GLCE: variants seen among roughly 807,000 people sequenced by gnomAD.
GLCE encodes the protein glucuronic acid epimerase.
Under a neutral mutation model 47.9 loss-of-function variants are expected in GLCE, and 19 were observed. That is an observed-to-expected ratio of 0.40 (90% CI 0.28 to 0.58). The LOEUF (loss-of-function observed/expected upper bound fraction) is 0.58, where lower values mean the gene tolerates loss of function less well. GLCE is among the 20% of genes least tolerant of loss of function. The probability of loss-of-function intolerance (pLI) is 0.48; values close to 1 mark genes in which losing one functional copy is unlikely to be tolerated. For synonymous variants in GLCE, 245 were observed against 263.4 expected (o/e 0.93, Z 0.68); for missense variants, 556 against 743.3 (o/e 0.75, Z 2.93).
chr15:69,237,721 C>G (rs1471666895), intron 2 of GLCE, among the ~76,000 whole-genome samples: 1 of 152,214 alleles, frequency 6.6e-6, no homozygotes, highest in Non-Finnish European at 1.5e-5. Flanking sequence ...ATGAACCTTT[C>G]TCCTTTAGAC....
chr15:69,175,970 G>T (rs1203974125), intron 1 of GLCE, among the ~76,000 whole-genome samples: 1 of 152,126 alleles, frequency 6.6e-6, no homozygotes, highest in Non-Finnish European at 1.5e-5. Flanking sequence ...AAATAGGGAG[G>T]TGAGTATACT....
chr15:69,191,111 A>G (rs2051905184), intron 1 of GLCE, among the ~76,000 whole-genome samples: 1 of 152,154 alleles, frequency 6.6e-6, no homozygotes, highest in South Asian at 2.1e-4. Flanking sequence ...AAAATAAGAA[A>G]TATCTTTTAT....
At chr15:69,208,257 A>G (rs1318235351) in intron 1 of GLCE, among the ~76,000 whole-genome samples, 2 of 152,000 alleles carry the variant, frequency 1.3e-5, no homozygotes, top group African/African-American at 4.8e-5. Context: ...GTCATTTTCT[A>G]GGTACAAGTT....
chr15:69,180,227 G>A (rs2051732013), intron 1 of GLCE, among the ~76,000 whole-genome samples: 1 of 152,224 alleles, frequency 6.6e-6, no homozygotes, highest in East Asian at 1.9e-4. Context: ...TAATACTGTG[G>A]ATAATTTGGC....
chr15:69,265,357 G>C (rs932550403), intron 4 of GLCE, among the ~76,000 whole-genome samples: 1 of 152,196 alleles, frequency 6.6e-6, no homozygotes, highest in East Asian at 1.9e-4. Flanking sequence ...TTGCCAAACT[G>C]GTTTCCACCA....
chr15:69,226,038 G>A (rs556356803), intron 2 of GLCE, among the ~76,000 whole-genome samples: 22 of 145,802 alleles, frequency 1.5e-4, no homozygotes, highest in East Asian at 1.4e-3. Flanking sequence ...ACGTGTGCAC[G>A]CATGCACAGA....
At chr15:69,194,027 T>G (rs980836302) in intron 1 of GLCE, among the ~76,000 whole-genome samples, 2 of 151,844 alleles carry the variant, frequency 1.3e-5, no homozygotes, top group Non-Finnish European at 2.9e-5. Context: ...AAGAAAAGAG[T>G]ATTCAGGGTA....
chr15:69,216,319 C>T (rs942070023), intron 2 of GLCE, among the ~76,000 whole-genome samples: 6 of 152,138 alleles, frequency 3.9e-5, no homozygotes, highest in African/African-American at 1.2e-4. Flanking sequence ...AAACCTGATA[C>T]TGTCTTAGGA....
Position 69,261,114 on chromosome 15 carries a change from C to G in GLCE, c.614C>G (p.Pro205Arg). The change falls in exon 4 of 5, where the codon CCT becomes CGT. Residue 205 changes from proline (P) to arginine (R), a missense_variant. By Grantham distance (103) the Pro-to-Arg change is moderately radical (BLOSUM62 -2). This residue lies in a region of GLCE where 237 missense variants were observed against 310.9 expected (regional missense o/e 0.76). Coordinates refer to ENST00000261858, the MANE Select transcript of GLCE (RefSeq NM_015554.3). ...GTGCCATTATCTACACAATGGGGAC[C>G]TCAAGGCTATTTCTATCCAATCCAG... ...EGVPLSTQWG[P>R]QGYFYPIQIA... The G allele has an allele frequency of 6.2e-7, 1 of 1,612,948 alleles. No individual in the cohort carries two copies. The highest frequency in any genetic ancestry group is 8.5e-7 in the Non-Finnish European group (1 of 1,179,022).
At chr15:69,260,252 G>GCTTTTTTTTTTT (rs57452657) in intron 3 of GLCE, among the ~76,000 whole-genome samples, 2 of 79,224 alleles carry the variant, frequency 2.5e-5, no homozygotes, top group African/African-American at 8.6e-5. Context: ...GTCACAACTG[G>GCTTTTTTTTTTT]TTTTTTTTTT....
At chr15:69,231,193 T>C (rs2052515966) in intron 2 of GLCE, among the ~76,000 whole-genome samples, 1 of 152,202 alleles carries the variant, frequency 6.6e-6, no homozygotes, top group Non-Finnish European at 1.5e-5. Flanking sequence ...TTTATTATAC[T>C]TTAGACTTTT....
intron 1 of GLCE, chr15:69,197,228 C>A: frequency 2.4e-6 from 1 of 422,940 alleles, no homozygotes; most frequent in South Asian, 1.8e-5. Context: ...CCTCATCCAC[C>A]GTATTCACCT....
chr15:69,177,979 A>G (rs1187962335), intron 1 of GLCE, among the ~76,000 whole-genome samples: 1 of 152,248 alleles, frequency 6.6e-6, no homozygotes, highest in Non-Finnish European at 1.5e-5. Flanking sequence ...TTATATGGGT[A>G]TACCAAAATT....
intron 3 of GLCE, among the ~76,000 whole-genome samples, chr15:69,258,773 A>G (rs1246636821): frequency 6.6e-6 from 1 of 152,342 alleles, no homozygotes; most frequent in East Asian, 1.9e-4. Flanking sequence ...TTAAATATAT[A>G]ATAAATTAAG....
At chr15:69,203,663 T>C (rs995901533) in intron 1 of GLCE, among the ~76,000 whole-genome samples, 2 of 152,100 alleles carry the variant, frequency 1.3e-5, no homozygotes, top group African/African-American at 2.4e-5. Context: ...TAACCTAAAT[T>C]CTTGAAGCAG....
intron 1 of GLCE, among the ~76,000 whole-genome samples, chr15:69,175,412 T>C (rs750426655): frequency 2.0e-5 from 3 of 152,176 alleles, no homozygotes; most frequent in Non-Finnish European, 2.9e-5. Flanking sequence ...TTTTAGAAAA[T>C]CAGGAGATAC....
intron 1 of GLCE, among the ~76,000 whole-genome samples, chr15:69,168,994 T>G (rs1184596566): frequency 6.6e-6 from 1 of 152,222 alleles, no homozygotes; most frequent in South Asian, 2.1e-4. Context: ...AAAGCTTCCC[T>G]CCTGTACTCT....
intron 4 of GLCE, among the ~76,000 whole-genome samples, chr15:69,266,088 TA>T (rs769375558): frequency 1.3e-5 from 2 of 152,234 alleles, no homozygotes; most frequent in Non-Finnish European, 2.9e-5. Flanking sequence ...ATTAGAAGTT[TA>T]CTTCTGCAAT....
chr15:69,220,047 T>G (rs1224577199), intron 2 of GLCE, among the ~76,000 whole-genome samples: 1 of 152,174 alleles, frequency 6.6e-6, no homozygotes, highest in Non-Finnish European at 1.5e-5. Context: ...ACATATATCA[T>G]AATTTCCTTT....
Sources: gnomAD v4.1 joint callset for allele counts (sites outside exome capture counted in the v4.1 genomes callset) on GRCh38, gnomAD v4.1.1 for gene constraint, gnomAD v4.1.1 regional missense constraint, MANE v1.5 for transcripts, NCBI Gene and HGNC (gene_info 2026-07-23, HGNC 2026-07-21) for gene names.